PTPDC1: variants seen among roughly 807,000 people sequenced by gnomAD.
The protein encoded by PTPDC1 is protein tyrosine phosphatase domain containing 1, also known as protein tyrosine phosphatase domain-containing protein 1.
A neutral mutation model predicts 75.3 loss-of-function variants in PTPDC1; 53 were observed. The observed-to-expected ratio is 0.70, with a 90% CI of 0.56 to 0.88. The LOEUF is 0.88. Ranked by LOEUF, PTPDC1 falls within the 40% of genes least tolerant of loss-of-function variation. PTPDC1 has a pLI of 0.00. For missense variants in PTPDC1, 925 were observed against 998.6 expected, an observed-to-expected ratio of 0.93 and a Z score of 0.99; for synonymous variants, 349 against 366.2, an observed-to-expected ratio of 0.95 and a Z score of 0.54.
intron 1 of PTPDC1, among the ~76,000 whole-genome samples, chr9:94,043,635 C>T (rs1373923972): frequency 2.0e-5 from 3 of 152,102 alleles, no homozygotes; most frequent in Non-Finnish European, 4.4e-5. Flanking sequence ...GTGGGAAAAA[C>T]ACCTGAGCCC....
chr9:94,049,716 A>G (rs1250468840), intron 1 of PTPDC1, among the ~76,000 whole-genome samples: 2 of 152,160 alleles, frequency 1.3e-5, no homozygotes, highest in Non-Finnish European at 2.9e-5. Context: ...CTCAAGGAGT[A>G]TCTTTGTGGC....
At chr9:94,036,458 T>C (rs545770400) in intron 1 of PTPDC1, among the ~76,000 whole-genome samples, 1 of 152,336 alleles carries the variant, frequency 6.6e-6, no homozygotes, top group South Asian at 2.1e-4. Context: ...GATTATCCTT[T>C]CCCCATCATG....
intron 2 of PTPDC1, among the ~76,000 whole-genome samples, chr9:94,066,417 A>G (rs1275173533): frequency 6.6e-6 from 1 of 152,132 alleles, no homozygotes; most frequent in Non-Finnish European, 1.5e-5. Context: ...TAAATGTTAT[A>G]TAATGATTCA....
intron 1 of PTPDC1, among the ~76,000 whole-genome samples, chr9:94,052,159 A>G (rs1197965280): frequency 6.6e-6 from 1 of 151,992 alleles, no homozygotes; most frequent in African/African-American, 2.4e-5. Flanking sequence ...GTTGTGCAAG[A>G]TATATATATA....
intron 7 of PTPDC1, among the ~76,000 whole-genome samples, chr9:94,103,962 C>T (rs1827930584): frequency 6.6e-6 from 1 of 152,168 alleles, no homozygotes; most frequent in Non-Finnish European, 1.5e-5. Flanking sequence ...TATCCAGAAA[C>T]AACAAGAATG....
At chr9:94,038,744 A>G (rs1330842759) in intron 1 of PTPDC1, among the ~76,000 whole-genome samples, 1 of 152,224 alleles carries the variant, frequency 6.6e-6, no homozygotes, top group African/African-American at 2.4e-5. Flanking sequence ...GAACCAAGCA[A>G]GATTCACCTG....
chr9:94,041,939 T>C (rs1476671346), intron 1 of PTPDC1, among the ~76,000 whole-genome samples: 2 of 152,248 alleles, frequency 1.3e-5, no homozygotes, highest in Non-Finnish European at 2.9e-5. Flanking sequence ...AGGAACTATA[T>C]GTATGTATAT....
chr9:94,045,924 T>G (rs1353020859), intron 1 of PTPDC1, among the ~76,000 whole-genome samples: 2 of 152,222 alleles, frequency 1.3e-5, no homozygotes, highest in Non-Finnish European at 2.9e-5. Flanking sequence ...TTGCTCATGC[T>G]TATGTCCTGA....
intron 1 of PTPDC1, among the ~76,000 whole-genome samples, chr9:94,034,419 C>T (rs932584498): frequency 6.6e-6 from 1 of 152,178 alleles, no homozygotes; most frequent in African/African-American, 2.4e-5. Context: ...GTACTCCCAG[C>T]TACTCAGGAA....
chr9:94,087,992 T>G (rs1827138730), intron 3 of PTPDC1, 81 bp downstream of exon 3: 1 of 1,455,722 alleles, frequency 6.9e-7, no homozygotes, highest in Non-Finnish European at 9.6e-7. Context: ...AGTGAAAGAG[T>G]GCTTTCATTT....
chr9:94,102,672 C>T (rs192543714), intron 7 of PTPDC1, among the ~76,000 whole-genome samples: 40 of 152,130 alleles, frequency 2.6e-4, no homozygotes, highest in Middle Eastern at 3.4e-3. Flanking sequence ...CTCTGCCCCC[C>T]GGGTTCAAGC....
chr9:94,103,930 A>G (rs1280077383), intron 7 of PTPDC1, among the ~76,000 whole-genome samples: 1 of 152,216 alleles, frequency 6.6e-6, no homozygotes, highest in Non-Finnish European at 1.5e-5. Context: ...ATGACATGTC[A>G]CCATCTACTA....
chr9:94,055,801 T>G (rs1377617322), intron 1 of PTPDC1, among the ~76,000 whole-genome samples: 1 of 151,932 alleles, frequency 6.6e-6, no homozygotes, highest in Non-Finnish European at 1.5e-5. Context: ...GAGGGAGAGA[T>G]TAATAGTTGG....
chr9:94,064,720 T>C, intron 1 of PTPDC1: 1 of 1,602,732 alleles, frequency 6.2e-7, no homozygotes, highest in Non-Finnish European at 8.5e-7. Context: ...AAAAAATAAT[T>C]TTTTTTCCAA....
intron 4 of PTPDC1, 125 bp from the exon 5 acceptor site, chr9:94,095,192 A>G (rs1481320333): frequency 1.6e-6 from 1 of 616,708 alleles, no homozygotes. Flanking sequence ...CTCTTATTTT[A>G]TGCAGTGTAT....
chr9:94,037,607 C>G (rs1825311730), intron 1 of PTPDC1, among the ~76,000 whole-genome samples: 2 of 150,148 alleles, frequency 1.3e-5, no homozygotes, highest in Non-Finnish European at 3.0e-5. Context: ...TTTTTTTTTT[C>G]TAGAACAGGG....
At chr9:94,071,300 G>A (rs2117904908) in intron 2 of PTPDC1, among the ~76,000 whole-genome samples, 1 of 151,838 alleles carries the variant, frequency 6.6e-6, no homozygotes, top group Admixed American at 6.6e-5. Flanking sequence ...TCTGCCATCT[G>A]CATATTCTCT....
chr9:94,061,765 G>A (rs112143546), intron 1 of PTPDC1, among the ~76,000 whole-genome samples: 9 of 152,366 alleles, frequency 5.9e-5, no homozygotes, highest in African/African-American at 2.2e-4. Flanking sequence ...GCTGCACAGG[G>A]CAGCAGGGCC....
intron 1 of PTPDC1, among the ~76,000 whole-genome samples, chr9:94,046,026 T>G (rs1379178343): frequency 3.9e-5 from 6 of 152,034 alleles, no homozygotes; most frequent in South Asian, 4.1e-4. Context: ...TTTGTATAAG[T>G]TGTAAGGAAG....
Sources: allele counts gnomAD v4.1 joint callset (sites outside exome capture counted in the v4.1 genomes callset), GRCh38; gene constraint gnomAD v4.1.1; transcripts MANE v1.5; gene names NCBI Gene and HGNC (gene_info 2026-07-23, HGNC 2026-07-21).